PHEX: variants seen among roughly 807,000 people sequenced by gnomAD.
The protein encoded by PHEX is phosphate regulating endopeptidase X-linked.
Under a neutral mutation model 68.0 loss-of-function variants are expected in PHEX, and 16 were observed. The observed-to-expected ratio is 0.24, with a 90% confidence interval of 0.16 to 0.36. The LOEUF (loss-of-function observed/expected upper bound fraction) is 0.36. Ranked by LOEUF, PHEX falls within the 10% of genes least tolerant of loss-of-function variation. The probability of loss-of-function intolerance (pLI) is 1.00; values close to 1 mark genes in which losing one functional copy is unlikely to be tolerated. For missense variants in PHEX, 480 were observed against 575.5 expected (o/e 0.83, Z 1.70); for synonymous variants, 208 against 205.1 (o/e 1.01, Z -0.12).
At chrX:22,167,692 G>A (rs1310503673) in intron 12 of PHEX, among the ~76,000 whole-genome samples, 2 of 108,401 alleles carry the variant, frequency 1.8e-5, no homozygotes, top group Non-Finnish European at 3.8e-5. Context: ...ACAGGGTCCC[G>A]CTGTGTTGCC....
At chrX:22,157,512 C>A (rs1001336537) in intron 12 of PHEX, among the ~76,000 whole-genome samples, 17 of 112,454 alleles carry the variant, frequency 1.5e-4, no homozygotes, top group Non-Finnish European at 2.6e-4. Flanking sequence ...ATATTACTTT[C>A]TTTCTTTAAC....
intron 9 of PHEX, among the ~76,000 whole-genome samples, chrX:22,110,020 C>T (rs1175700348): frequency 2.7e-5 from 3 of 111,764 alleles, no homozygotes; most frequent in Non-Finnish European, 3.8e-5. Context: ...TGTCGAAACT[C>T]ACATATTTAG....
intron 14 of PHEX, among the ~76,000 whole-genome samples, chrX:22,181,713 A>G (rs1046972500): frequency 8.0e-5 from 9 of 111,873 alleles, no homozygotes; most frequent in African/African-American, 2.6e-4. Flanking sequence ...ATCCATTAAC[A>G]TGGAGTATCT....
At chrX:22,066,046 G>A (rs776939660) in intron 3 of PHEX, among the ~76,000 whole-genome samples, 11 of 112,377 alleles carry the variant, frequency 9.8e-5, no homozygotes, top group Non-Finnish European at 1.7e-4. Context: ...GGAGCTCTGA[G>A]TTGGAAGGGA....
chrX:22,124,067 G>T (rs143512034), intron 11 of PHEX, among the ~76,000 whole-genome samples: 1 of 109,991 alleles, frequency 9.1e-6, no homozygotes, highest in East Asian at 2.9e-4. Context: ...TCCTGACCTC[G>T]TGATCTGCCC....
chrX:22,144,494 C>T (rs1460595840), intron 12 of PHEX, among the ~76,000 whole-genome samples: 1 of 111,209 alleles, frequency 9.0e-6, no homozygotes, highest in Non-Finnish European at 1.9e-5. Context: ...CTGATTTCAT[C>T]TACTCCCCTA....
rs1259783689 is a variant in PHEX, at chrX:22,198,121, CATATA to C, written c.1645+7625_1645+7629del. ...TTATAGTTATATATTATAAATTATACATATAATATATTATATAATATTTATATAAT... is the reference window on the plus strand; with the variant it reads ...TTATAGTTATATATTATAAATTATACATATATTATATAATATTTATATAAT... On this transcript the variant is annotated intron_variant, in intron 15 of 21. Transcript: ENST00000379374. Among the ~76,000 whole-genome samples, 63 of 97,369 alleles carry C rather than the reference CATATA, an allele frequency of 6.5e-4. No individual in the cohort carries two copies. The Middle Eastern group carries it at 0.02, about 31-fold the overall frequency. 84.6% of individuals were successfully genotyped at this position (97,369 alleles called of 115,157 possible). A position where few individuals can be genotyped will look rare whatever the true frequency, so the allele number is the denominator to read the frequency against.
chrX:22,114,793 GAGA>G, intron 11 of PHEX, among the ~76,000 whole-genome samples: 1 of 111,330 alleles, frequency 9.0e-6, no homozygotes. Context: ...TTAGAGGAGA[GAGA>G]AGGTGTGTAG....
At chrX:22,186,967 C>G (rs1018529307) in intron 14 of PHEX, among the ~76,000 whole-genome samples, 3 of 112,085 alleles carry the variant, frequency 2.7e-5, no homozygotes, top group African/African-American at 9.7e-5. Flanking sequence ...TATTATGATT[C>G]ATTCCAGTGT....
At chrX:22,058,294 A>G (rs1352017848) in intron 3 of PHEX, among the ~76,000 whole-genome samples, 2 of 112,334 alleles carry the variant, frequency 1.8e-5, no homozygotes, top group African/African-American at 3.2e-5. Flanking sequence ...GACAAATCCA[A>G]TGAGATGCGT....
intron 5 of PHEX, among the ~76,000 whole-genome samples, chrX:22,084,170 A>T (rs1929513679): frequency 9.0e-6 from 1 of 110,976 alleles, no homozygotes; most frequent in Non-Finnish European, 1.9e-5. Context: ...CATTTAATTT[A>T]TTTTTTTTGA....
intron 7 of PHEX, among the ~76,000 whole-genome samples, chrX:22,096,536 C>G (rs1930143881): frequency 8.9e-6 from 1 of 111,972 alleles, no homozygotes; most frequent in Non-Finnish European, 1.9e-5. Context: ...GTCTTGTGTT[C>G]ATCAGTGAAA....
intron 11 of PHEX, among the ~76,000 whole-genome samples, chrX:22,131,642 T>G (rs1261830978): frequency 2.7e-5 from 3 of 112,948 alleles, no homozygotes; most frequent in Non-Finnish European, 3.7e-5. Context: ...AGCTGAAAAC[T>G]TATTAAACAG....
chrX:22,224,313 C>T (rs1276644715), intron 18 of PHEX, among the ~76,000 whole-genome samples: 4 of 111,700 alleles, frequency 3.6e-5, no homozygotes, highest in African/African-American at 6.5e-5. Context: ...AAAGTCGTTT[C>T]AGGAAAAACC....
intron 11 of PHEX, among the ~76,000 whole-genome samples, chrX:22,131,240 C>T (rs1953868793): frequency 9.0e-6 from 1 of 110,504 alleles, no homozygotes; most frequent in Non-Finnish European, 1.9e-5. Context: ...GGGGTTTCAC[C>T]ATGTTGGCCA....
chrX:22,129,926 G>A (rs2362539), intron 11 of PHEX, among the ~76,000 whole-genome samples: 1,880 of 110,926 alleles, frequency 0.017, 30 homozygotes, highest in South Asian at 0.062. Flanking sequence ...TGCTGTCTTC[G>A]CTTCCCACAC....
intron 5 of PHEX, among the ~76,000 whole-genome samples, chrX:22,090,102 C>A (rs1929814314): frequency 8.9e-6 from 1 of 112,190 alleles, no homozygotes. Flanking sequence ...GCTTTTGTTT[C>A]TCCTCCCATT....
At position 22,224,453 on chromosome X, in the gene PHEX, A is replaced by ACAT. The variant is rs778823511; in HGVS notation, c.1900-1987_1900-1985dup. 1.6e-3 allele frequency among the ~76,000 whole-genome samples: 177 copies of ACAT among 112,039 alleles called. 2 individuals carry two copies. The highest frequency in any genetic ancestry group is 5.5e-3 in the African/African-American group (168 of 30,809). ...CCAGGTACTGGGTTGTTCAAACTGC[A>ACAT]CATCAGTCAATTACTGGAAGGTGGG... On this transcript the variant is annotated intron_variant, in intron 18 of 21. Coordinates refer to ENST00000379374, the MANE Select transcript of PHEX (RefSeq NM_000444.6).
intron 6 of PHEX, among the ~76,000 whole-genome samples, chrX:22,091,170 C>T (rs769810045): frequency 1.5e-4 from 17 of 111,584 alleles, no homozygotes; most frequent in South Asian, 7.6e-4. Flanking sequence ...GGGTCTATGC[C>T]GATACTAACT....
Sources: allele counts gnomAD v4.1 joint callset (sites outside exome capture counted in the v4.1 genomes callset), GRCh38; gene constraint gnomAD v4.1.1; transcripts MANE v1.5; gene names NCBI Gene and HGNC (gene_info 2026-07-23, HGNC 2026-07-21).